The following NTM variants were observed in gnomAD, a reference collection of about 807,000 sequenced individuals.
The protein encoded by NTM is neurotrimin, also known as IgLON family member 2.
Under a neutral mutation model 42.1 loss-of-function variants are expected in NTM, and 13 were observed. That is an observed-to-expected ratio of 0.31 (90% CI 0.20 to 0.49). The LOEUF is 0.49. Among genes scored for constraint, NTM ranks in the 20% least tolerant of loss-of-function variants. The pLI is 0.99. For missense variants in NTM, 373 were observed against 452.8 expected (o/e 0.82, Z 1.60); for synonymous variants, 187 against 179.2 (o/e 1.04, Z -0.35).
intron 2 of NTM, among the ~76,000 whole-genome samples, chr11:132,077,655 C>G (rs1381414945): frequency 1.3e-5 from 2 of 152,204 alleles, no homozygotes; most frequent in Admixed American, 6.5e-5. Context: ...CCAGACCTGC[C>G]TGATCCATAG....
intron 2 of NTM, among the ~76,000 whole-genome samples, chr11:131,973,347 C>T (rs550207556): frequency 5.9e-5 from 9 of 152,354 alleles, no homozygotes; most frequent in African/African-American, 2.2e-4. Context: ...TGAGGCCTCT[C>T]ACTTAGCTCT....
intron 7 of NTM, among the ~76,000 whole-genome samples, chr11:132,319,839 C>A (rs1424375905): frequency 1.3e-5 from 2 of 152,218 alleles, no homozygotes; most frequent in Non-Finnish European, 2.9e-5. Context: ...GTCCCTGACC[C>A]CCGAGTAGCC....
At chr11:131,686,368 A>G (rs934351981) in intron 1 of NTM, among the ~76,000 whole-genome samples, 3 of 152,280 alleles carry the variant, frequency 2.0e-5, no homozygotes, top group African/African-American at 7.2e-5. Flanking sequence ...GTTATATACC[A>G]TAATCTCACA....
At chr11:131,730,035 G>A (rs556646225) in intron 1 of NTM, among the ~76,000 whole-genome samples, 166 of 152,154 alleles carry the variant, frequency 1.1e-3, no homozygotes, top group Non-Finnish European at 1.8e-3. Context: ...TTTTCAAAGT[G>A]GCTTCACCAT....
At chr11:131,515,925 A>G (rs559912965) in intron 1 of NTM, among the ~76,000 whole-genome samples, 1 of 152,340 alleles carries the variant, frequency 6.6e-6, no homozygotes, top group South Asian at 2.1e-4. Flanking sequence ...CTAGGTGGAG[A>G]AATAGTCACA....
chr11:131,723,356 C>T (rs185419609), intron 1 of NTM, among the ~76,000 whole-genome samples: 9 of 152,204 alleles, frequency 5.9e-5, no homozygotes, highest in Non-Finnish European at 1.0e-4. Flanking sequence ...GATCCTCTTC[C>T]GCTCAAGCGA....
At chr11:131,527,295 C>G (rs967829080) in intron 1 of NTM, among the ~76,000 whole-genome samples, 1 of 152,154 alleles carries the variant, frequency 6.6e-6, no homozygotes, top group Non-Finnish European at 1.5e-5. Context: ...TTTATTCCCC[C>G]ACCCCTGGGG....
chr11:131,754,771 T>C (rs563174785), intron 1 of NTM, among the ~76,000 whole-genome samples: 1 of 152,316 alleles, frequency 6.6e-6, no homozygotes, highest in East Asian at 1.9e-4. Flanking sequence ...TTAGCCAAAT[T>C]TGAAAACAAT....
chr11:131,884,623 C>A (rs569832474), intron 1 of NTM, among the ~76,000 whole-genome samples: 2 of 152,032 alleles, frequency 1.3e-5, no homozygotes, highest in Non-Finnish European at 2.9e-5. Context: ...AATAAACAAT[C>A]CTTGGGTCTA....
At chr11:132,265,041 G>A (rs1385020135) in intron 4 of NTM, among the ~76,000 whole-genome samples, 1 of 152,200 alleles carries the variant, frequency 6.6e-6, no homozygotes, top group Non-Finnish European at 1.5e-5. Context: ...GAATTTGAAG[G>A]ACACATTCAA....
intron 2 of NTM, among the ~76,000 whole-genome samples, chr11:132,050,571 A>G (rs2078712074): frequency 6.6e-6 from 1 of 152,188 alleles, no homozygotes; most frequent in African/African-American, 2.4e-5. Flanking sequence ...TACACAAATA[A>G]TGGCTTCCAA....
chr11:131,895,641 AAT>A (rs142094376), intron 1 of NTM, among the ~76,000 whole-genome samples: 18,573 of 151,496 alleles, frequency 0.12, 1,249 homozygotes, highest in Middle Eastern at 0.14. Flanking sequence ...TAGATTGTGA[AAT>A]ATATATATAT....
intron 1 of NTM, among the ~76,000 whole-genome samples, chr11:131,375,347 T>C (rs942502564): frequency 2.0e-5 from 3 of 152,222 alleles, no homozygotes; most frequent in African/African-American, 7.2e-5. Flanking sequence ...CTCTATTGTC[T>C]TGTTACATGT....
chr11:131,598,782 C>CTTTT (rs1209400630), intron 1 of NTM, among the ~76,000 whole-genome samples: 18 of 59,794 alleles, frequency 3.0e-4, no homozygotes, highest in East Asian at 1.8e-3. Context: ...TTCTTTCTTT[C>CTTTT]TTCTTTCTTT....
chr11:131,960,140 G>A (rs2061994118), intron 2 of NTM, among the ~76,000 whole-genome samples: 1 of 152,176 alleles, frequency 6.6e-6, no homozygotes, highest in Admixed American at 6.5e-5. Context: ...AAAAGTCACA[G>A]GGTGTTCAGA....
At chr11:131,994,491 G>T (rs1236117950) in intron 2 of NTM, among the ~76,000 whole-genome samples, 4 of 152,202 alleles carry the variant, frequency 2.6e-5, no homozygotes, top group Non-Finnish European at 4.4e-5. Context: ...CAAAATACAT[G>T]CTGGGACAAA....
intron 4 of NTM, among the ~76,000 whole-genome samples, chr11:132,216,933 G>T (rs1171152960): frequency 1.3e-5 from 2 of 152,206 alleles, no homozygotes; most frequent in African/African-American, 4.8e-5. Flanking sequence ...CCCCTTGAGG[G>T]GACCTTGCTG....
intron 1 of NTM, among the ~76,000 whole-genome samples, chr11:131,561,567 G>C (rs2056232937): frequency 6.6e-6 from 1 of 152,286 alleles, no homozygotes; most frequent in Non-Finnish European, 1.5e-5. Context: ...CATTCACTTA[G>C]TTACAGATCC....
intron 1 of NTM, among the ~76,000 whole-genome samples, chr11:131,404,278 A>G (rs1945568240): frequency 6.6e-6 from 1 of 152,214 alleles, no homozygotes; most frequent in Non-Finnish European, 1.5e-5. Context: ...TGCCAAGTGC[A>G]GTGCTCAATT....
Sources: allele counts gnomAD v4.1 joint callset (sites outside exome capture counted in the v4.1 genomes callset), GRCh38; gene constraint gnomAD v4.1.1; transcripts MANE v1.5; gene names NCBI Gene and HGNC (gene_info 2026-07-23, HGNC 2026-07-21).